CDH4: variants seen among roughly 807,000 people sequenced by gnomAD.
CDH4 encodes cadherin 4.
Under a neutral mutation model 86.0 loss-of-function variants are expected in CDH4, and 33 were observed. The observed-to-expected ratio is 0.38, with a 90% CI of 0.29 to 0.51. CDH4 has a LOEUF of 0.51. CDH4 is among the 20% of genes least tolerant of loss of function. CDH4 has a pLI of 0.86. For missense variants in CDH4, 1,114 were observed against 1,307.4 expected (o/e 0.85, Z 2.28); for synonymous variants, 555 against 549.4 (o/e 1.01, Z -0.14).
At chr20:61,767,831 T>C (rs750906747) in intron 3 of CDH4, among the ~76,000 whole-genome samples, 10 of 152,040 alleles carry the variant, frequency 6.6e-5, no homozygotes, top group Admixed American at 6.5e-5. Context: ...TCATGGGAGA[T>C]AAAAGTAGGA....
chr20:61,808,110 C>T (rs1980236764), intron 4 of CDH4, among the ~76,000 whole-genome samples: 1 of 152,010 alleles, frequency 6.6e-6, no homozygotes, highest in African/African-American at 2.4e-5. Context: ...GAAATAAATC[C>T]TCCTTAGCTG....
intron 2 of CDH4, among the ~76,000 whole-genome samples, chr20:61,447,831 T>C (rs1238909660): frequency 6.6e-6 from 1 of 152,194 alleles, no homozygotes; most frequent in African/African-American, 2.4e-5. Flanking sequence ...AGACTTTCAT[T>C]TGGAAATTAT....
chr20:61,296,081 G>A (rs1390864694), intron 2 of CDH4, among the ~76,000 whole-genome samples: 2 of 152,164 alleles, frequency 1.3e-5, no homozygotes, highest in African/African-American at 4.8e-5. Flanking sequence ...AGTGGCCTGC[G>A]AGAAGGAGAG....
intron 2 of CDH4, among the ~76,000 whole-genome samples, chr20:61,281,985 C>A (rs1260433014): frequency 1.3e-5 from 2 of 152,156 alleles, no homozygotes; most frequent in African/African-American, 4.8e-5. Context: ...GGGGGTTGGG[C>A]CAGTCAGCAG....
chr20:61,415,355 A>G (rs1350618189), intron 2 of CDH4, among the ~76,000 whole-genome samples: 1 of 152,236 alleles, frequency 6.6e-6, no homozygotes, highest in Non-Finnish European at 1.5e-5. Flanking sequence ...AGTAAAACTA[A>G]TTCTTATTGT....
At chr20:61,732,647 C>A (rs1167766951) in intron 2 of CDH4, among the ~76,000 whole-genome samples, 1 of 152,224 alleles carries the variant, frequency 6.6e-6, no homozygotes, top group African/African-American at 2.4e-5. Context: ...ATAACACTAC[C>A]CCTACCTAGC....
At chr20:61,637,232 T>G (rs1600828271) in intron 2 of CDH4, among the ~76,000 whole-genome samples, 1 of 152,316 alleles carries the variant, frequency 6.6e-6, no homozygotes, top group East Asian at 1.9e-4. Context: ...AGGAAGCTAG[T>G]GAGGGGATGC....
At chr20:61,407,504 G>A (rs2085090906) in intron 2 of CDH4, among the ~76,000 whole-genome samples, 1 of 152,182 alleles carries the variant, frequency 6.6e-6, no homozygotes, top group South Asian at 2.1e-4. Context: ...GCTCAGAAAG[G>A]CCTAAATGGC....
intron 2 of CDH4, among the ~76,000 whole-genome samples, chr20:61,376,695 G>A (rs1328981872): frequency 6.6e-6 from 1 of 152,212 alleles, no homozygotes; most frequent in African/African-American, 2.4e-5. Flanking sequence ...ATCCTTCTGT[G>A]TGGCTGCTCC....
At chr20:61,770,370 C>G (rs1013360070) in intron 3 of CDH4, among the ~76,000 whole-genome samples, 2 of 152,214 alleles carry the variant, frequency 1.3e-5, no homozygotes, top group African/African-American at 2.4e-5. Context: ...TTGGGCTGCC[C>G]TGGTGCAAGG....
At chr20:61,661,714 G>T (rs73148369) in intron 2 of CDH4, among the ~76,000 whole-genome samples, 2 of 152,172 alleles carry the variant, frequency 1.3e-5, no homozygotes, top group South Asian at 4.2e-4. Flanking sequence ...TTGCAAAGAC[G>T]TCACAGCCAC....
intron 2 of CDH4, among the ~76,000 whole-genome samples, chr20:61,453,953 G>A (rs1274802956): frequency 2.0e-5 from 3 of 152,194 alleles, no homozygotes; most frequent in Non-Finnish European, 4.4e-5. Context: ...CTGCCGCCTT[G>A]TGAAGAAGGA....
At chr20:61,697,709 T>TC (rs2087729957) in intron 2 of CDH4, among the ~76,000 whole-genome samples, 1 of 152,122 alleles carries the variant, frequency 6.6e-6, no homozygotes, top group Non-Finnish European at 1.5e-5. Context: ...TCTAAACTCA[T>TC]GGGCCCTCCC....
chr20:61,639,174 T>C (rs1432613711), intron 2 of CDH4, among the ~76,000 whole-genome samples: 1 of 152,230 alleles, frequency 6.6e-6, no homozygotes, highest in Non-Finnish European at 1.5e-5. Flanking sequence ...AGGTGGTGAA[T>C]TGAAAATGTA....
Position 61,284,095 on chromosome 20 carries a change from G to GGAGATC in CDH4, c.169+29163_169+29168dup, listed in dbSNP as rs1278828255. Among the ~76,000 whole-genome samples, 7 of 151,794 alleles carry GGAGATC rather than the reference G, an allele frequency of 4.6e-5. No homozygotes were observed. The East Asian group carries it at 1.4e-3, about 30-fold the overall frequency. The stretch of plus-strand genomic sequence containing the variant: ...ACAAGGCGGGTGGATCACAAGGTCA[G>GGAGATC]GAGATCGAGACCATCCTGGCTAACA... On this transcript the variant is annotated intron_variant, in intron 2 of 15. Transcript: ENST00000614565.
chr20:61,655,217 C>T (rs905250757), intron 2 of CDH4, among the ~76,000 whole-genome samples: 1 of 152,166 alleles, frequency 6.6e-6, no homozygotes, highest in Admixed American at 6.5e-5. Context: ...TGGACACACA[C>T]CTGAAAATAA....
chr20:61,780,898 G>T (rs1978504728), intron 4 of CDH4, among the ~76,000 whole-genome samples: 1 of 152,196 alleles, frequency 6.6e-6, no homozygotes, highest in South Asian at 2.1e-4. Flanking sequence ...CTGTAAGATG[G>T]AGTTTAGAAT....
intron 2 of CDH4, among the ~76,000 whole-genome samples, chr20:61,375,598 GTCATAGCACTGGTGGTGA>G (rs1223565916): frequency 4.2e-5 from 4 of 95,166 alleles, no homozygotes; most frequent in African/African-American, 6.4e-5. Context: ...ACTGGTGGTG[GTCATAGCACTGGTGGTGA>G]TGGTATGGTT....
intron 2 of CDH4, among the ~76,000 whole-genome samples, chr20:61,726,271 G>A (rs1292962425): frequency 2.0e-5 from 3 of 152,116 alleles, no homozygotes; most frequent in Non-Finnish European, 4.4e-5. Flanking sequence ...ACCAGCACAG[G>A]CCAGGTGCCT....
Sources: gnomAD v4.1 joint callset for allele counts (sites outside exome capture counted in the v4.1 genomes callset) on GRCh38, gnomAD v4.1.1 for gene constraint, MANE v1.5 for transcripts, NCBI Gene and HGNC (gene_info 2026-07-23, HGNC 2026-07-21) for gene names.